The following PTPRT variants were observed in gnomAD, a reference collection of about 807,000 sequenced individuals.
PTPRT encodes the protein receptor-type tyrosine-protein phosphatase T.
A neutral mutation model predicts 176.8 loss-of-function variants in PTPRT; 56 were observed. The observed-to-expected ratio is 0.32, with a 90% CI of 0.26 to 0.40. PTPRT has a LOEUF of 0.40. Among genes scored for constraint, PTPRT ranks in the 10% least tolerant of loss-of-function variants. The pLI is 1.00. For missense variants in PTPRT, 1,540 were observed against 1,908.2 expected, an observed-to-expected ratio of 0.81 and a Z score of 3.60; for synonymous variants, 783 against 739.0, an observed-to-expected ratio of 1.06 and a Z score of -0.96.
chr20:42,974,864 C>T (rs188707331), intron 1 of PTPRT, among the ~76,000 whole-genome samples: 4 of 152,186 alleles, frequency 2.6e-5, no homozygotes, highest in East Asian at 1.9e-4. Flanking sequence ...CATCAGCATT[C>T]GTTCCAAATC....
chr20:42,564,889 A>T (rs1243890887), intron 7 of PTPRT, among the ~76,000 whole-genome samples: 1 of 152,192 alleles, frequency 6.6e-6, no homozygotes, highest in African/African-American at 2.4e-5. Flanking sequence ...AATTACATGC[A>T]AATACGACCT....
At chr20:42,790,831 T>A (rs1050239716) in intron 3 of PTPRT, among the ~76,000 whole-genome samples, 4 of 152,192 alleles carry the variant, frequency 2.6e-5, no homozygotes, top group African/African-American at 9.6e-5. Flanking sequence ...AGTTATTTCA[T>A]CTCTCCGAAC....
At chr20:42,180,318 T>C (rs966773164) in intron 16 of PTPRT, among the ~76,000 whole-genome samples, 2 of 151,962 alleles carry the variant, frequency 1.3e-5, no homozygotes, top group African/African-American at 4.8e-5. Context: ...GAGCCTCTAA[T>C]AGAGACACTC....
intron 1 of PTPRT, among the ~76,000 whole-genome samples, chr20:43,121,582 C>T (rs1204454984): frequency 6.6e-6 from 1 of 152,152 alleles, no homozygotes; most frequent in Non-Finnish European, 1.5e-5. Context: ...GATTCAGCAC[C>T]TGTGCATATG....
intron 9 of PTPRT, among the ~76,000 whole-genome samples, chr20:42,375,858 T>G (rs2145615124): frequency 6.6e-6 from 1 of 152,236 alleles, no homozygotes; most frequent in African/African-American, 2.4e-5. Flanking sequence ...GACAGTCCCA[T>G]TAAAGCAAAA....
At chr20:42,129,751 C>G (rs1988036940) in intron 18 of PTPRT, among the ~76,000 whole-genome samples, 1 of 152,192 alleles carries the variant, frequency 6.6e-6, no homozygotes, top group African/African-American at 2.4e-5. Flanking sequence ...TTCTGGGAGT[C>G]ACGGAGGTCA....
chr20:42,283,657 C>T (rs562914493), intron 12 of PTPRT, among the ~76,000 whole-genome samples: 14 of 152,036 alleles, frequency 9.2e-5, no homozygotes, highest in Admixed American at 1.3e-4. Context: ...CATTTTAACC[C>T]AAGGGGAGAG....
intron 9 of PTPRT, among the ~76,000 whole-genome samples, chr20:42,357,925 G>GCAAA (rs2058379877): frequency 6.6e-6 from 1 of 151,944 alleles, no homozygotes; most frequent in African/African-American, 2.4e-5. Context: ...AAGCAAGCAA[G>GCAAA]CAAACAAACA....
intron 7 of PTPRT, among the ~76,000 whole-genome samples, chr20:42,560,948 T>G (rs552425875): frequency 6.6e-6 from 1 of 152,280 alleles, no homozygotes; most frequent in South Asian, 2.1e-4. Context: ...ACCCCCAGCC[T>G]CTTTTTATAA....
At chr20:42,458,408 G>T (rs1037079609) in intron 8 of PTPRT, among the ~76,000 whole-genome samples, 2 of 152,078 alleles carry the variant, frequency 1.3e-5, no homozygotes, top group Non-Finnish European at 2.9e-5. Context: ...GCTGCTTAAT[G>T]TCTCTGTGTC....
chr20:42,513,198 T>TGG (rs1431429599), intron 7 of PTPRT, among the ~76,000 whole-genome samples: 9 of 125,550 alleles, frequency 7.2e-5, no homozygotes, highest in Admixed American at 1.7e-4. Flanking sequence ...TCTCTATTGA[T>TGG]GGGGTGTGTG....
chr20:42,644,675 T>C (rs2074846760), intron 7 of PTPRT, among the ~76,000 whole-genome samples: 1 of 152,112 alleles, frequency 6.6e-6, no homozygotes, highest in Admixed American at 6.6e-5. Flanking sequence ...GTCTTCAGTG[T>C]AACCCCAGAG....
In PTPRT at chr20:42,349,450, G is replaced by A. The variant is rs374793065; in HGVS notation, c.1865+1178C>T. Among the ~76,000 whole-genome samples, 33 of 152,242 alleles carry A rather than the reference G, an allele frequency of 2.2e-4. 1 individual carries two copies. In the South Asian group the frequency reaches 5.6e-3, roughly 26 times the overall value. Reference sequence around the variant, plus strand: ...AATTCTCTCCTCTGAGCTCTTATGCGTATCTCCACAACGACACACTGTACT... The same window carrying A: ...AATTCTCTCCTCTGAGCTCTTATGCATATCTCCACAACGACACACTGTACT... On this transcript the variant is annotated intron_variant, in intron 11 of 30. Coordinates refer to ENST00000373187, the MANE Select transcript of PTPRT (RefSeq NM_007050.6).
intron 9 of PTPRT, among the ~76,000 whole-genome samples, chr20:42,447,850 C>T (rs532842587): frequency 3.9e-5 from 6 of 152,160 alleles, no homozygotes; most frequent in Non-Finnish European, 5.9e-5. Flanking sequence ...GACTGATATT[C>T]GTAAAGTGAG....
At chr20:42,581,284 A>C (rs2073365929) in intron 7 of PTPRT, among the ~76,000 whole-genome samples, 1 of 152,326 alleles carries the variant, frequency 6.6e-6, no homozygotes, top group South Asian at 2.1e-4. Context: ...TTCTACTGCA[A>C]GAATTTCCAA....
intron 1 of PTPRT, among the ~76,000 whole-genome samples, chr20:43,058,751 TG>T (rs1443788388): frequency 2.0e-5 from 3 of 152,192 alleles, no homozygotes; most frequent in Admixed American, 2.0e-4. Context: ...GTTCAGAAGG[TG>T]CTGCAGTTTT....
chr20:42,498,148 G>A, intron 7 of PTPRT, among the ~76,000 whole-genome samples: 1 of 152,142 alleles, frequency 6.6e-6, no homozygotes, highest in Non-Finnish European at 1.5e-5. Flanking sequence ...TTTTATTGTG[G>A]TAAGTGATGT....
chr20:42,676,760 T>C (rs6030404), intron 7 of PTPRT, among the ~76,000 whole-genome samples: 12,065 of 152,250 alleles, frequency 0.079, 527 homozygotes, highest in South Asian at 0.16. Context: ...AGATATAACA[T>C]AAATAAGGTA....
At chr20:42,452,756 T>C (rs1046073644) in intron 8 of PTPRT, among the ~76,000 whole-genome samples, 1 of 152,212 alleles carries the variant, frequency 6.6e-6, no homozygotes, top group African/African-American at 2.4e-5. Context: ...CCAGATCAGA[T>C]GAATGGAAAG....
Sources: allele counts gnomAD v4.1 joint callset (sites outside exome capture counted in the v4.1 genomes callset), GRCh38; gene constraint gnomAD v4.1.1; transcripts MANE v1.5; gene names NCBI Gene and HGNC (gene_info 2026-07-23, HGNC 2026-07-21).